The following APOLD1 variants were observed in gnomAD, a reference collection of about 807,000 sequenced individuals.
APOLD1 encodes the protein apolipoprotein L domain containing 1, also known as apolipoprotein L domain-containing protein 1.
A neutral mutation model predicts 15.3 loss-of-function variants in APOLD1; 22 were observed. The ratio of observed to expected loss-of-function variants is 1.44; its 90% CI spans 1.03 to 2.05. The LOEUF is 2.05. Among genes scored for constraint, APOLD1 ranks in the 30% most tolerant of loss-of-function variants. The pLI, the probability that APOLD1 is intolerant of heterozygous loss-of-function variation, is 0.00. For missense variants in APOLD1, 394 were observed against 353.5 expected, an observed-to-expected ratio of 1.11 and a Z score of -0.92; for synonymous variants, 190 against 167.4, an observed-to-expected ratio of 1.13 and a Z score of -1.04.
chr12:12,781,693 A>G (rs949113098), upstream of APOLD1, among the ~76,000 whole-genome samples: 1 of 151,078 alleles, frequency 6.6e-6, no homozygotes, highest in African/African-American at 2.4e-5. Flanking sequence ...ATGCCCGGCT[A>G]ATTTTTTGTA....
chr12:12,761,980 T>A (rs576840243), intron 1 of APOLD1, among the ~76,000 whole-genome samples: 113 of 151,878 alleles, frequency 7.4e-4, no homozygotes, highest in Non-Finnish European at 1.3e-3. Flanking sequence ...GGACTACAGG[T>A]GTGCACCACC....
intron 1 of APOLD1, among the ~76,000 whole-genome samples, chr12:12,770,883 A>T (rs749427461): frequency 3.3e-5 from 5 of 152,104 alleles, no homozygotes; most frequent in Non-Finnish European, 5.9e-5. Flanking sequence ...AAAAAATCTT[A>T]TAGAGAAGAA....
intron 1 of APOLD1, among the ~76,000 whole-genome samples, chr12:12,746,882 G>A (rs1946770873): frequency 1.3e-5 from 2 of 152,138 alleles, no homozygotes. Context: ...TTATAAGTGA[G>A]AATATGTGGC....
intron 1 of APOLD1, among the ~76,000 whole-genome samples, chr12:12,778,497 C>CT (rs35742908): frequency 0.51 from 73,413 of 145,342 alleles, 18,454 homozygotes; most frequent in East Asian, 0.69. Flanking sequence ...TTTTTAATTT[C>CT]TTTTTTTTTT....
intron 1 of APOLD1, among the ~76,000 whole-genome samples, chr12:12,734,159 A>G (rs1342830355): frequency 2.6e-5 from 4 of 152,146 alleles, no homozygotes; most frequent in African/African-American, 9.7e-5. Context: ...TATCCCCATT[A>G]ACTCAAGGAT....
chr12:12,789,334 G>T lies in APOLD1; in HGVS notation c.*1682G>T, dbSNP rs1212176012. 1 of 152,162 alleles carries T rather than the reference G, an allele frequency of 6.6e-6. No individual in the cohort carries two copies. Among genetic ancestry groups the T allele is most frequent in the African/African-American group, 2.4e-5 (1 of 41,432 alleles). 9.4% of individuals were successfully genotyped at this position (152,162 alleles called of 1,614,324 possible). The stretch of plus-strand genomic sequence containing the variant: ...ATTCTTTTTCTCTAGTGTTTTAAGT[G>T]ATCCTTTGAAGTAAGTGTGGAGAGT... On this transcript the variant is annotated 3_prime_UTR_variant, in exon 2 of 2. Transcript: ENST00000356591.
intron 1 of APOLD1, among the ~76,000 whole-genome samples, chr12:12,728,665 C>CAAAAAA (rs58877184): frequency 0.014 from 868 of 62,734 alleles, 42 homozygotes; most frequent in Non-Finnish European, 0.016. Context: ...GACCCTGTCT[C>CAAAAAA]AAAAAAAAAA....
chr12:12,754,141 T>C (rs555009825), intron 1 of APOLD1, among the ~76,000 whole-genome samples: 203 of 134,566 alleles, frequency 1.5e-3, no homozygotes, highest in Admixed American at 2.6e-3. Context: ...AGGTGGAGGC[T>C]GCAGTGAGCC....
intron 1 of APOLD1, among the ~76,000 whole-genome samples, chr12:12,758,225 C>G (rs921525971): frequency 6.6e-6 from 1 of 151,424 alleles, no homozygotes; most frequent in Non-Finnish European, 1.5e-5. Flanking sequence ...TGTGAACCAC[C>G]ACGCCTGAAC....
intron 1 of APOLD1, among the ~76,000 whole-genome samples, chr12:12,768,842 A>G (rs1262911284): frequency 6.6e-6 from 1 of 151,892 alleles, no homozygotes; most frequent in East Asian, 1.9e-4. Flanking sequence ...TTGAAAGTAA[A>G]GGCAGAAATG....
At chr12:12,771,866 G>T (rs576847883) in intron 1 of APOLD1, among the ~76,000 whole-genome samples, 1 of 152,016 alleles carries the variant, frequency 6.6e-6, no homozygotes, top group South Asian at 2.1e-4. Context: ...TTATTATAAG[G>T]TACTCACACT....
intron 1 of APOLD1, among the ~76,000 whole-genome samples, chr12:12,757,937 CTTTTTTTT>C (rs144139766): frequency 4.9e-5 from 6 of 121,398 alleles, no homozygotes; most frequent in African/African-American, 1.6e-4. Flanking sequence ...AATTCAATAT[CTTTTTTTT>C]TTTTTTTTTT....
At chr12:12,761,249 AT>A (rs1946896515) in intron 1 of APOLD1, among the ~76,000 whole-genome samples, 4 of 152,228 alleles carry the variant, frequency 2.6e-5, no homozygotes, top group Admixed American at 2.0e-4. Flanking sequence ...TGATTGAAGG[AT>A]TATGTTGTCT....
At chr12:12,784,054 A>C (rs886964636), upstream of APOLD1, among the ~76,000 whole-genome samples, 6 of 152,188 alleles carry the variant, frequency 3.9e-5, no homozygotes, top group African/African-American at 1.4e-4. Context: ...GAGAAAAACA[A>C]ATTCCAAGAT....
intron 1 of APOLD1, among the ~76,000 whole-genome samples, chr12:12,758,647 C>T (rs1279205154): frequency 6.6e-6 from 1 of 152,202 alleles, no homozygotes; most frequent in African/African-American, 2.4e-5. Context: ...TTCAATTTAT[C>T]CATCCGTAAA....
chr12:12,726,098 T>TA (rs1175375100), intron 1 of APOLD1: 13 of 1,480,620 alleles, frequency 8.8e-6, no homozygotes, highest in Non-Finnish European at 1.2e-5. Context: ...CTTGGAAAGG[T>TA]AGAACTGGGG....
chr12:12,779,125 A>G (rs931631750), intron 1 of APOLD1, among the ~76,000 whole-genome samples: 5 of 151,718 alleles, frequency 3.3e-5, no homozygotes, highest in African/African-American at 1.2e-4. Flanking sequence ...CTCTCTCCTA[A>G]TTTTTGTCCA....
chr12:12,779,922 G>A (rs1947066027), intron 1 of APOLD1, among the ~76,000 whole-genome samples: 1 of 151,850 alleles, frequency 6.6e-6, no homozygotes, highest in African/African-American at 2.4e-5. Context: ...TACTTGTTGA[G>A]TCTTTATTTT....
At chr12:12,734,566 C>T (rs1946668492) in intron 1 of APOLD1, among the ~76,000 whole-genome samples, 1 of 152,220 alleles carries the variant, frequency 6.6e-6, no homozygotes, top group Non-Finnish European at 1.5e-5. Context: ...TTCTGGCTTA[C>T]AGCTCTGTGA....
Sources: allele counts gnomAD v4.1 joint callset (sites outside exome capture counted in the v4.1 genomes callset), GRCh38; gene constraint gnomAD v4.1.1; transcripts MANE v1.5; gene names NCBI Gene and HGNC (gene_info 2026-07-23, HGNC 2026-07-21).